Variants in RUNX1T1 observed in about 807,000 individuals in gnomAD.
RUNX1T1 encodes the protein RUNX1 partner transcriptional co-repressor 1.
RUNX1T1 carries 4 observed loss-of-function variants against 62.8 expected under a neutral mutation model. That is an observed-to-expected ratio of 0.06 (90% CI 0.03 to 0.15). RUNX1T1 has a LOEUF of 0.15. Among genes scored for constraint, RUNX1T1 ranks in the 10% least tolerant of loss-of-function variants. The pLI is 1.00. For synonymous variants in RUNX1T1, 291 were observed against 286.0 expected (o/e 1.02, Z -0.18); for missense variants, 508 against 754.3 (o/e 0.67, Z 3.82).
chr8:92,038,869 T>C (rs1423679119), intron 1 of RUNX1T1, among the ~76,000 whole-genome samples: 2 of 151,962 alleles, frequency 1.3e-5, no homozygotes, highest in East Asian at 3.9e-4. Flanking sequence ...CAGAAATTAC[T>C]CTCTCTCTTA....
At position 92,026,893 on chromosome 8, in the gene RUNX1T1, G is replaced by A. The variant is rs570758473; in HGVS notation, c.8-9530C>T. 2.7e-3 allele frequency among the ~76,000 whole-genome samples: 414 copies of A among 151,078 alleles called. 3 individuals carry two copies. Among genetic ancestry groups the A allele is most frequent in the African/African-American group, 9.0e-3 (371 of 41,130 alleles). ...AGCACTTTGGGAGGCCGAGACGGGCGGATCACGAGGTCAGGAGATCGAGAC... is the reference window on the plus strand; with the variant it reads ...AGCACTTTGGGAGGCCGAGACGGGCAGATCACGAGGTCAGGAGATCGAGAC... On this transcript the variant is annotated intron_variant, in intron 1 of 10. Coordinates refer to ENST00000396218, the Ensembl canonical transcript of RUNX1T1.
intron 2 of RUNX1T1, 22 bp downstream of exon 2, chr8:92,075,942 CA>C: frequency 6.3e-7 from 1 of 1,581,296 alleles, no homozygotes; most frequent in Non-Finnish European, 8.6e-7. Context: ...ATTGCAAAAT[CA>C]AAATATTTGT....
chr8:92,005,292 G>A (rs755701183), exon 5 of RUNX1T1: 1 of 1,611,162 alleles, frequency 6.2e-7, no homozygotes, highest in Admixed American at 1.7e-5. Flanking sequence ...GCAGGGGCAA[G>A]TTGGCCTGCA....
At chr8:92,017,453 AG>A in intron 1 of RUNX1T1, 90 bp from the exon 3 acceptor site, 1 of 1,599,708 alleles carries the variant, frequency 6.3e-7, no homozygotes, top group South Asian at 1.1e-5. Flanking sequence ...GCAAGTGAAC[AG>A]AAGAAATTCA....
At chr8:92,021,076 G>A (rs952478685) in intron 1 of RUNX1T1, among the ~76,000 whole-genome samples, 2 of 152,070 alleles carry the variant, frequency 1.3e-5, no homozygotes, top group Non-Finnish European at 2.9e-5. Context: ...GTCAATTATC[G>A]AAGTCTCAGA....
At position 92,095,077 on chromosome 8, in the gene RUNX1T1, G is replaced by T. The variant is rs1837589962; in HGVS notation, c.-86+4503C>A. On this transcript the variant is annotated intron_variant, in intron 1 of 11. Coordinates refer to the RUNX1T1 transcript ENST00000265814. ...AGAGGTGATGGGAGATAGCGTCAAG[G>T]CCAGGGGTAGATGCCTCCTCCTCAC... The T allele has an allele frequency of 2.6e-6, 4 of 1,535,648 alleles. No individual in the cohort carries two copies. In the East Asian group the frequency reaches 9.8e-5, roughly 38 times the overall value.
intron 1 of RUNX1T1, among the ~76,000 whole-genome samples, chr8:92,060,553 A>ATATATATATATATATATGTGTGTGTG: frequency 3.6e-4 from 23 of 63,912 alleles, no homozygotes; most frequent in Admixed American, 1.2e-3. Context: ...ATATATATAT[A>ATATATATATATATATATGTGTGTGTG]TGTGTGTGTG....
intron 1 of RUNX1T1, among the ~76,000 whole-genome samples, chr8:92,027,704 C>T (rs55701498): frequency 0.22 from 33,176 of 151,956 alleles, 3,732 homozygotes; most frequent in Middle Eastern, 0.26. Flanking sequence ...GCAGCTGGCC[C>T]AGAATCAGAG....
At chr8:92,039,895 C>A (rs1286570162) in intron 1 of RUNX1T1, among the ~76,000 whole-genome samples, 4 of 152,128 alleles carry the variant, frequency 2.6e-5, no homozygotes, top group Non-Finnish European at 4.4e-5. Context: ...TGTGGCCCAT[C>A]AGGTCCTCAT....
At chr8:92,008,722 T>G (rs1306891138) in intron 4 of RUNX1T1, among the ~76,000 whole-genome samples, 2 of 152,284 alleles carry the variant, frequency 1.3e-5, no homozygotes, top group East Asian at 3.9e-4. Flanking sequence ...AAGAGTTGAT[T>G]TTTAAGATAC....
intron 1 of RUNX1T1, among the ~76,000 whole-genome samples, chr8:92,092,187 G>A (rs1367452294): frequency 3.3e-5 from 5 of 152,056 alleles, no homozygotes; most frequent in African/African-American, 7.2e-5. Flanking sequence ...TATGGATAGC[G>A]TTGCCATTCA....
At chr8:92,016,767 A>C (rs1823093540) in intron 2 of RUNX1T1, among the ~76,000 whole-genome samples, 1 of 152,222 alleles carries the variant, frequency 6.6e-6, no homozygotes, top group Admixed American at 6.5e-5. Flanking sequence ...CCTTTTTAAC[A>C]CAAGGATATT....
At chr8:92,052,975 A>G (rs527565427) in intron 1 of RUNX1T1, among the ~76,000 whole-genome samples, 1 of 152,332 alleles carries the variant, frequency 6.6e-6, no homozygotes, top group Admixed American at 6.5e-5. Flanking sequence ...ATTAAGAGAA[A>G]TGCTTACAAA....
At chr8:92,037,588 A>G (rs1313808251) in intron 1 of RUNX1T1, among the ~76,000 whole-genome samples, 3 of 152,190 alleles carry the variant, frequency 2.0e-5, no homozygotes, top group African/African-American at 7.2e-5. Flanking sequence ...CTAATGTGGG[A>G]GGACTGCTTG....
chr8:92,045,910 C>G (rs1245505284), intron 1 of RUNX1T1, among the ~76,000 whole-genome samples: 1 of 152,166 alleles, frequency 6.6e-6, no homozygotes, highest in Admixed American at 6.5e-5. Flanking sequence ...TATATAGCCA[C>G]TTAAGTTCAG....
chr8:92,093,584 G>A (rs1837355569), intron 1 of RUNX1T1, among the ~76,000 whole-genome samples: 1 of 152,114 alleles, frequency 6.6e-6, no homozygotes, highest in Non-Finnish European at 1.5e-5. Flanking sequence ...AAGATCAAGT[G>A]TATTCCACCC....
chr8:92,075,796 C>A (rs915484979), intron 2 of RUNX1T1, among the ~76,000 whole-genome samples, 169 bp downstream of exon 2: 1 of 152,054 alleles, frequency 6.6e-6, no homozygotes, highest in Non-Finnish European at 1.5e-5. Flanking sequence ...CCACCCAATC[C>A]CCACACCCAA....
chr8:92,073,171 C>T (rs1044308202), intron 2 of RUNX1T1, among the ~76,000 whole-genome samples: 4 of 152,154 alleles, frequency 2.6e-5, no homozygotes, highest in African/African-American at 4.8e-5. Context: ...ACTACCACTC[C>T]TAGGTGTCCC....
intron 1 of RUNX1T1, among the ~76,000 whole-genome samples, chr8:92,062,294 G>C (rs1473307002): frequency 6.6e-6 from 1 of 151,992 alleles, no homozygotes; most frequent in Admixed American, 6.6e-5. Context: ...GTGGCTGTAC[G>C]ACCCCCTCAA....
Sources: gnomAD v4.1 joint callset for allele counts (sites outside exome capture counted in the v4.1 genomes callset) on GRCh38, gnomAD v4.1.1 for gene constraint, MANE v1.5 for transcripts, NCBI Gene and HGNC (gene_info 2026-07-23, HGNC 2026-07-21) for gene names.